Variants in ATP2C1 observed in about 807,000 individuals in gnomAD.
ATP2C1 encodes the protein calcium-transporting ATPase type 2C member 1.
Under a neutral mutation model 120.5 loss-of-function variants are expected in ATP2C1, and 31 were observed. The ratio of observed to expected loss-of-function variants is 0.26; its 90% CI spans 0.19 to 0.35. ATP2C1 has a LOEUF of 0.35. Among genes scored for constraint, ATP2C1 ranks in the 10% least tolerant of loss-of-function variants. The pLI is 1.00. For missense variants in ATP2C1, 731 were observed against 1,107.5 expected, an observed-to-expected ratio of 0.66 and a Z score of 4.83; for synonymous variants, 351 against 358.7, an observed-to-expected ratio of 0.98 and a Z score of 0.24.
In ATP2C1 at chr3:130,920,043, G is replaced by GT. The variant is rs542583918; in HGVS notation, c.7-10366dup. Among the ~76,000 whole-genome samples the GT allele has an allele frequency of 3.5e-4, 54 of 152,172 alleles. 1 individual carries two copies. The South Asian group carries it at 4.2e-3, about 12-fold the overall frequency. ...CACATTTTTAAGTTGAGTTATTTGT[G>GT]TTTTTTTACTGTTGAATTATTGGAG... On this transcript the variant is annotated intron_variant, in intron 2 of 27. Transcript: ENST00000510168.
At chr3:130,923,186 G>A (rs1233245486) in intron 2 of ATP2C1, among the ~76,000 whole-genome samples, 1 of 151,406 alleles carries the variant, frequency 6.6e-6, no homozygotes, top group Non-Finnish European at 1.5e-5. Flanking sequence ...TTTTCCTGTT[G>A]TACTAGTCCT....
In ATP2C1 at chr3:130,969,300, T is replaced by C. The variant is rs748294620; in HGVS notation, c.1317T>C (p.Leu439=). 1.9e-6 allele frequency: 3 copies of C among 1,612,854 alleles called. No homozygotes were observed. The highest frequency in any genetic ancestry group is 2.5e-6 in the Non-Finnish European group (3 of 1,178,870). ...ALIALAMKMG[L]DGLQQDYIRK... The stretch of plus-strand genomic sequence containing the variant: ...CTCTTTGTGCCATATAGATGGGTCT[T>C]GATGGACTTCAACAAGACTACATCA... Residue 439 remains leucine, a synonymous_variant, in exon 17 of 28, where the codon CTT becomes CTC. Coordinates refer to ENST00000510168, the MANE Select transcript of ATP2C1 (RefSeq NM_001378687.1).
intron 7 of ATP2C1, among the ~76,000 whole-genome samples, chr3:130,941,356 A>G (rs147634558): frequency 6.6e-5 from 10 of 152,250 alleles, no homozygotes; most frequent in South Asian, 2.1e-4. Flanking sequence ...TTCACAATCA[A>G]ACAGACCCAG....
chr3:130,967,150 TG>T lies in ATP2C1; in HGVS notation c.1130del (p.Gly377GlufsTer10). The T allele has an allele frequency of 6.2e-7, 1 of 1,612,760 alleles. No homozygotes were observed. Among genetic ancestry groups the T allele is most frequent in the Non-Finnish European group, 8.5e-7 (1 of 1,178,808 alleles). On this transcript the variant is annotated frameshift_variant, in exon 15 of 28. Transcript: ENST00000510168. LOFTEE classifies it high-confidence loss of function. ...TSDGLHAEVT[G>X]VGYNQFGEVI... ...TCCCACTTTGTGATCTTTAGGTTAC[TG>T]GAGTTGGCTATAATCAATTTGGGGA...
At chr3:130,994,469 AC>A (rs1159761651) in intron 22 of ATP2C1, among the ~76,000 whole-genome samples, 1 of 152,178 alleles carries the variant, frequency 6.6e-6, no homozygotes, top group Non-Finnish European at 1.5e-5. Flanking sequence ...TATGAAGTTT[AC>A]ATCCATACCT....
intron 4 of ATP2C1, among the ~76,000 whole-genome samples, 166 bp downstream of exon 4, chr3:130,932,304 TCC>T (rs1176078232): frequency 6.2e-4 from 95 of 152,278 alleles, no homozygotes; most frequent in African/African-American, 2.1e-3. Context: ...AGGTTGGAAT[TCC>T]TGTATTTTTA....
chr3:130,865,353 G>A (rs534004287), intron 1 of ATP2C1, among the ~76,000 whole-genome samples: 24 of 152,138 alleles, frequency 1.6e-4, no homozygotes, highest in African/African-American at 3.1e-4. Flanking sequence ...GCTCATAGGC[G>A]GAAGGGACTT....
At chr3:130,899,501 G>GTTGGT (rs2069950791) in intron 2 of ATP2C1, 1 of 152,140 alleles carries the variant, frequency 6.6e-6, no homozygotes, top group Non-Finnish European at 1.5e-5. Flanking sequence ...CTTTGAGTAG[G>GTTGGT]CTGAAGAAAA....
intron 3 of ATP2C1, 48 bp from the exon 4 acceptor site, chr3:130,931,974 T>G: frequency 8.0e-7 from 1 of 1,248,930 alleles, no homozygotes. Flanking sequence ...TGTGTTTTTC[T>G]TTTCTGTGCT....
chr3:130,894,149 T>TGCCCCCC lies in ATP2C1; in HGVS notation c.-369_-368insGCCCCCC. ...ACGGGTCCCCTCACCTCCTCTTCTC[T>TGCCCCCC]CCCCTCCCCGCCCGCCCTCTCTCCC... On this transcript the variant is annotated 5_prime_UTR_variant, in exon 1 of 28. Coordinates refer to ENST00000510168, the MANE Select transcript of ATP2C1 (RefSeq NM_001378687.1). This position sits in a 1 kb window ranked among gnomAD's most constrained non-coding sequence, Gnocchi z 4.5. 1.0e-5 allele frequency: 7 copies of TGCCCCCC among 694,854 alleles called. No individual in the cohort carries two copies. The highest frequency in any genetic ancestry group is 1.2e-5 in the Non-Finnish European group (7 of 565,208). 43.0% of individuals were successfully genotyped at this position (694,854 alleles called of 1,614,324 possible). A position where few individuals can be genotyped will look rare whatever the true frequency, so the allele number is the denominator to read the frequency against.
intron 1 of ATP2C1, among the ~76,000 whole-genome samples, chr3:130,867,614 T>A (rs1203860846): frequency 9.2e-5 from 14 of 151,534 alleles, no homozygotes; most frequent in African/African-American, 3.4e-4. Flanking sequence ...CAGGCTGGAG[T>A]GCAGTGGCGT....
At chr3:130,977,435 G>C (rs560525463) in intron 18 of ATP2C1, among the ~76,000 whole-genome samples, 4 of 152,222 alleles carry the variant, frequency 2.6e-5, no homozygotes, top group African/African-American at 9.6e-5. Context: ...CATTAAAAGA[G>C]TGGAGAAAAA....
chr3:130,933,875 A>C (rs1454951048), intron 4 of ATP2C1, among the ~76,000 whole-genome samples: 1 of 152,186 alleles, frequency 6.6e-6, no homozygotes, highest in Admixed American at 6.5e-5. Context: ...TATGGTATCT[A>C]AGGGCTGGGG....
At chr3:130,932,877 G>A (rs1441359893) in intron 4 of ATP2C1, among the ~76,000 whole-genome samples, 19 of 152,148 alleles carry the variant, frequency 1.2e-4, no homozygotes, top group Admixed American at 1.2e-3. Context: ...CTGCTAATGA[G>A]CTTAAATTTG....
intron 20 of ATP2C1, among the ~76,000 whole-genome samples, chr3:130,991,808 C>T (rs1453297272): frequency 2.0e-5 from 3 of 152,046 alleles, no homozygotes; most frequent in Non-Finnish European, 4.4e-5. Flanking sequence ...AGGTTAGTTC[C>T]TGGATACAGA....
At chr3:130,914,338 T>C (rs2058585532) in intron 2 of ATP2C1, 1 of 152,098 alleles carries the variant, frequency 6.6e-6, no homozygotes, top group African/African-American at 2.4e-5. Flanking sequence ...TTTTTTGATT[T>C]GTTTTAACTA....
chr3:130,950,917 T>A (rs1383080376), intron 8 of ATP2C1, among the ~76,000 whole-genome samples: 1 of 152,122 alleles, frequency 6.6e-6, no homozygotes, highest in Non-Finnish European at 1.5e-5. Flanking sequence ...TTCATGTTAG[T>A]ATTTATCCAT....
chr3:131,015,871 C>G lies in ATP2C1; in HGVS notation c.2630-281C>G, dbSNP rs979417650. On this transcript the variant is annotated intron_variant, in intron 26 of 26. Coordinates refer to the ATP2C1 transcript ENST00000328560. ...TATCCTACCAATGATTGCCTCCCCT[C>G]TCCCACATATTAATGTATTACTTAA... 1.2e-5 allele frequency: 6 copies of G among 520,610 alleles called. No homozygotes were observed. In the African/African-American group the frequency reaches 1.2e-4, roughly 10 times the overall value. 32.2% of individuals were successfully genotyped at this position (520,610 alleles called of 1,614,324 possible).
chr3:130,850,990 T>C (rs1321902778), intron 1 of ATP2C1: 3 of 921,852 alleles, frequency 3.3e-6, no homozygotes, highest in Non-Finnish European at 4.4e-6. Flanking sequence ...TGCTTTTACG[T>C]CGCTTAGTGA....
Sources: gnomAD v4.1 joint callset for allele counts (sites outside exome capture counted in the v4.1 genomes callset) on GRCh38, gnomAD v4.1.1 for gene constraint, Gnocchi (gnomAD v3.1) non-coding constraint, MANE v1.5 for transcripts, NCBI Gene and HGNC (gene_info 2026-07-23, HGNC 2026-07-21) for gene names.